The following IMPA1 variants were observed in gnomAD, a reference collection of about 807,000 sequenced individuals.
IMPA1 encodes D-galactose 1-phosphate phosphatase.
Under a neutral mutation model 34.9 loss-of-function variants are expected in IMPA1, and 21 were observed. That is an observed-to-expected ratio of 0.60 (90% CI 0.43 to 0.87). The LOEUF (loss-of-function observed/expected upper bound fraction) is 0.87. Among genes scored for constraint, IMPA1 ranks in the 40% least tolerant of loss-of-function variants. The pLI is 0.00. For synonymous variants in IMPA1, 95 were observed against 104.4 expected (o/e 0.91, Z 0.55); for missense variants, 299 against 336.4 (o/e 0.89, Z 0.87).
intron 1 of IMPA1, chr8:81,685,724 A>G (rs1807498288): frequency 1.7e-6 from 2 of 1,202,366 alleles, no homozygotes; most frequent in Non-Finnish European, 2.2e-6. Context: ...TATAAATCAC[A>G]GTACATTTAT....
rs11549154 is a variant in IMPA1 at position 81,679,174 on chromosome 8, G to A, written c.254C>T (p.Pro85Leu). 16 of 1,613,846 alleles carry A rather than the reference G, an allele frequency of 9.9e-6. No individual in the cohort carries two copies. Among genetic ancestry groups the A allele is most frequent in the African/African-American group, 1.3e-5 (1 of 74,884 alleles). The change falls in exon 4 of 9, where the codon CCC (proline) becomes CTC (leucine). Residue 85 changes from proline to leucine, a missense_variant. Transcript: ENST00000256108. Reference sequence around the variant, plus strand: ...ATCAATAGGGTCAATGATCCATGTGGGGTTGTCGGTTAAGATACTTTTTTC... The same window carrying A: ...ATCAATAGGGTCAATGATCCATGTGAGGTTGTCGGTTAAGATACTTTTTTC... The part of the protein sequence containing the change: ...AGEKSILTDN[P>L]TWIIDPIDGT...
chr8:81,679,007 T>C, intron 4 of IMPA1, 119 bp downstream of exon 4: 1 of 625,224 alleles, frequency 1.6e-6, no homozygotes, highest in Admixed American at 2.9e-5. Flanking sequence ...TTTATTAGAA[T>C]AAAGAAGCAT....
intron 3 of IMPA1, among the ~76,000 whole-genome samples, chr8:81,679,466 A>G (rs1203069806): frequency 1.3e-5 from 2 of 151,936 alleles, no homozygotes; most frequent in East Asian, 1.9e-4. Flanking sequence ...TACAAAAATT[A>G]GCCGGGCATG....
intron 7 of IMPA1, among the ~76,000 whole-genome samples, chr8:81,661,374 CTACCAT>C (rs55943833): frequency 0.13 from 19,074 of 152,140 alleles, 2,012 homozygotes; most frequent in East Asian, 0.57. Flanking sequence ...TTACAATGGT[CTACCAT>C]TACCAAGTTA....
At chr8:81,677,856 T>C (rs892811750) in intron 4 of IMPA1, among the ~76,000 whole-genome samples, 5 of 152,220 alleles carry the variant, frequency 3.3e-5, no homozygotes, top group Non-Finnish European at 4.4e-5. Flanking sequence ...TACAACTACA[T>C]GGGAACTTCA....
intron 3 of IMPA1, among the ~76,000 whole-genome samples, chr8:81,679,748 T>A (rs1377781889): frequency 6.6e-6 from 1 of 151,972 alleles, no homozygotes. Flanking sequence ...ATGTGAAAAA[T>A]TTCAAAATTC....
intron 7 of IMPA1, among the ~76,000 whole-genome samples, chr8:81,668,530 C>G (rs1806898766): frequency 6.6e-6 from 1 of 152,110 alleles, no homozygotes; most frequent in African/African-American, 2.4e-5. Context: ...GAGGTTGAGG[C>G]TGCACTGAGC....
intron 7 of IMPA1, among the ~76,000 whole-genome samples, chr8:81,665,967 TCAAC>T (rs1806807820): frequency 6.6e-6 from 1 of 152,164 alleles, no homozygotes; most frequent in South Asian, 2.1e-4. Context: ...AGGACGAACT[TCAAC>T]CAATTAAAAA....
At chr8:81,683,835 A>G (rs1807375978) in intron 1 of IMPA1, among the ~76,000 whole-genome samples, 2 of 152,148 alleles carry the variant, frequency 1.3e-5, no homozygotes, top group Non-Finnish European at 2.9e-5. Flanking sequence ...GTGATCCCAC[A>G]AAATCAGTAT....
intron 1 of IMPA1, 159 bp downstream of exon 1, chr8:81,686,093 G>C (rs757060928): frequency 3.0e-5 from 27 of 902,122 alleles, no homozygotes; most frequent in African/African-American, 5.3e-5. Context: ...GGCAGCTCCG[G>C]ATAACGCAGC....
intron 2 of IMPA1, 73 bp from the exon 3 acceptor site, chr8:81,680,856 T>C (rs1263334915): frequency 9.1e-7 from 1 of 1,104,748 alleles, no homozygotes; most frequent in Non-Finnish European, 1.3e-6. Flanking sequence ...ATAAATGGTT[T>C]AAGACATTCA....
chr8:81,660,434 T>C (rs1371814309), intron 8 of IMPA1, 82 bp downstream of exon 8: 11 of 1,255,116 alleles, frequency 8.8e-6, no homozygotes, highest in East Asian at 7.0e-5. Context: ...GTATAACATA[T>C]ATCAAAAAGT....
Position 81,685,049 on chromosome 8 carries a change from A to G in IMPA1, c.-25+1203T>C, listed in dbSNP as rs1240728193. On this transcript the variant is annotated intron_variant, in intron 1 of 8. Transcript: ENST00000256108. ...TTTAGATACTATATATAGTATATAT[A>G]CTATACATAAGTATATTTAGATATA... Among the ~76,000 whole-genome samples the G allele has an allele frequency of 2.2e-5, 3 of 135,358 alleles. No individual in the cohort carries two copies. The East Asian group carries it at 6.4e-4, about 29-fold the overall frequency. The allele number at this position is 135,358 out of a possible 152,430, so 88.8% of individuals were successfully genotyped here.
At position 81,673,732 on chromosome 8, in the gene IMPA1, C is replaced by T. The variant is rs139100776; in HGVS notation, c.457+109G>A. 22 of 646,718 alleles carry T rather than the reference C, an allele frequency of 3.4e-5. No individual in the cohort carries two copies. The East Asian group carries it at 5.7e-4, about 17-fold the overall frequency. 40.1% of individuals were successfully genotyped at this position (646,718 alleles called of 1,614,324 possible). A position where few individuals can be genotyped will look rare whatever the true frequency, so the allele number is the denominator to read the frequency against. On this transcript the variant is annotated intron_variant, in intron 6 of 8. Coordinates refer to ENST00000256108, the MANE Select transcript of IMPA1 (RefSeq NM_005536.4). ...AAAAAGAATAAAGAGATAATAAACA[C>T]AATTTATGAATCAGTTAACACCTGG...
At chr8:81,668,663 C>T (rs548299956) in intron 7 of IMPA1, among the ~76,000 whole-genome samples, 1 of 152,242 alleles carries the variant, frequency 6.6e-6, no homozygotes, top group East Asian at 1.9e-4. Context: ...GAAAACTCAG[C>T]CTGGCCAAGA....
intron 7 of IMPA1, among the ~76,000 whole-genome samples, chr8:81,667,431 A>G (rs1460293717): frequency 6.6e-6 from 1 of 152,092 alleles, no homozygotes; most frequent in Non-Finnish European, 1.5e-5. Flanking sequence ...TCCTTTTAAG[A>G]GGTATTAGGT....
intron 7 of IMPA1, among the ~76,000 whole-genome samples, chr8:81,663,765 C>T (rs917201175): frequency 3.9e-5 from 6 of 152,208 alleles, no homozygotes; most frequent in Admixed American, 2.0e-4. Flanking sequence ...AATGGCGGGG[C>T]GCAGTGGCTC....
intron 1 of IMPA1, among the ~76,000 whole-genome samples, chr8:81,684,927 GTATA>G (rs1229225044): frequency 2.4e-5 from 3 of 126,852 alleles, no homozygotes; most frequent in African/African-American, 3.0e-5. Flanking sequence ...ACTATGTATA[GTATA>G]TATACTATAC....
chr8:81,682,547 C>T (rs1053406990), intron 1 of IMPA1, among the ~76,000 whole-genome samples: 1 of 151,798 alleles, frequency 6.6e-6, no homozygotes, highest in Non-Finnish European at 1.5e-5. Flanking sequence ...CTGATTAAAG[C>T]ATTTTTTAAA....
Sources: allele counts gnomAD v4.1 joint callset (sites outside exome capture counted in the v4.1 genomes callset), GRCh38; gene constraint gnomAD v4.1.1; transcripts MANE v1.5; gene names NCBI Gene and HGNC (gene_info 2026-07-23, HGNC 2026-07-21).